The following CPS1 variants were observed in gnomAD, a reference collection of about 807,000 sequenced individuals.
The protein encoded by CPS1 is carbamoyl-phosphate synthase 1, also known as carbamoyl-phosphate synthase [ammonia], mitochondrial.
Under a neutral mutation model 174.6 loss-of-function variants are expected in CPS1, and 109 were observed. The observed-to-expected ratio is 0.62, with a 90% CI of 0.53 to 0.73. The LOEUF is 0.73. Among genes scored for constraint, CPS1 ranks in the 30% least tolerant of loss-of-function variants. The pLI is 0.00. For synonymous variants in CPS1, 637 were observed against 632.0 expected (o/e 1.01, Z -0.12); for missense variants, 1,689 against 1,821.9 (o/e 0.93, Z 1.33).
At chr2:210,496,020 G>A (rs537077497) in intron 1 of CPS1, among the ~76,000 whole-genome samples, 9 of 151,768 alleles carry the variant, frequency 5.9e-5, no homozygotes, top group Non-Finnish European at 7.4e-5. Context: ...GCAAAATAAA[G>A]GCAAATTGGT....
chr2:210,668,174 A>G lies in CPS1; in HGVS notation c.4003-12A>G, dbSNP rs534566099. 3.9e-5 allele frequency: 63 copies of G among 1,603,146 alleles called. No individual in the cohort carries two copies. The South Asian group carries it at 6.5e-4, about 17-fold the overall frequency. On this transcript the variant is annotated splice_polypyrimidine_tract_variant and intron_variant, in intron 33 of 37. Transcript: ENST00000233072. ...CATCCTCTATTTTAATTTTTTATTTATTTCTAAACAGGTGGCTTGCTTTGG... is the reference window on the plus strand; with the variant it reads ...CATCCTCTATTTTAATTTTTTATTTGTTTCTAAACAGGTGGCTTGCTTTGG...
At chr2:210,543,633 G>A (rs575754803) in intron 1 of CPS1, among the ~76,000 whole-genome samples, 3 of 152,100 alleles carry the variant, frequency 2.0e-5, no homozygotes, top group South Asian at 4.1e-4. Flanking sequence ...ATCATATATT[G>A]TAATAAAATT....
chr2:210,508,864 G>A (rs1328194109), intron 1 of CPS1, among the ~76,000 whole-genome samples: 1 of 152,138 alleles, frequency 6.6e-6, no homozygotes, highest in East Asian at 1.9e-4. Context: ...CCGATAACAG[G>A]CTCTGAAATT....
chr2:210,510,702 C>A (rs1223766591), intron 1 of CPS1, among the ~76,000 whole-genome samples: 1 of 152,028 alleles, frequency 6.6e-6, no homozygotes, highest in Non-Finnish European at 1.5e-5. Flanking sequence ...AAAACAACCC[C>A]ATCAACAAGT....
chr2:210,664,566 T>A (rs556473792), intron 33 of CPS1, among the ~76,000 whole-genome samples: 20 of 152,158 alleles, frequency 1.3e-4, no homozygotes, highest in Non-Finnish European at 2.6e-4. Flanking sequence ...CTCGAACTCC[T>A]GACCTCAGGT....
At chr2:210,554,329 A>G (rs1696833754), upstream of CPS1, among the ~76,000 whole-genome samples, 1 of 151,158 alleles carries the variant, frequency 6.6e-6, no homozygotes, top group East Asian at 1.9e-4. Flanking sequence ...CCCTTTACTG[A>G]TAAAAATGAA....
chr2:210,652,146 T>C (rs11681045), intron 28 of CPS1, among the ~76,000 whole-genome samples: 18,852 of 152,124 alleles, frequency 0.12, 1,238 homozygotes, highest in Middle Eastern at 0.2. Flanking sequence ...GAACAGCATT[T>C]ATGAAGGTCT....
intron 2 of CPS1, among the ~76,000 whole-genome samples, chr2:210,573,969 A>G (rs1302214637): frequency 2.7e-5 from 4 of 150,806 alleles, no homozygotes; most frequent in Non-Finnish European, 5.9e-5. Context: ...ATAATTATCA[A>G]CTGTGACCTG....
chr2:210,531,342 G>A (rs1360276951), intron 1 of CPS1, among the ~76,000 whole-genome samples: 1 of 152,078 alleles, frequency 6.6e-6, no homozygotes, highest in African/African-American at 2.4e-5. Flanking sequence ...TTTCTATTTA[G>A]CATCGTGTAA....
At chr2:210,557,549 T>C (rs1454061466) in intron 1 of CPS1, among the ~76,000 whole-genome samples, 1 of 152,022 alleles carries the variant, frequency 6.6e-6, no homozygotes, top group Non-Finnish European at 1.5e-5. Flanking sequence ...CCCCCCAGCA[T>C]TGAATTATGA....
chr2:210,521,315 A>G (rs1453644944), intron 1 of CPS1, among the ~76,000 whole-genome samples: 1 of 151,278 alleles, frequency 6.6e-6, no homozygotes, highest in East Asian at 2.0e-4. Context: ...TTTTCTTTCT[A>G]CATGTTTCCT....
At chr2:210,564,661 C>T (rs1186427871) in intron 1 of CPS1, among the ~76,000 whole-genome samples, 1 of 143,074 alleles carries the variant, frequency 7.0e-6, no homozygotes, top group African/African-American at 2.5e-5. Context: ...CAGGCGTGAG[C>T]CACCGCGCCC....
At chr2:210,561,447 T>C (rs1270787400) in intron 1 of CPS1, among the ~76,000 whole-genome samples, 1 of 152,168 alleles carries the variant, frequency 6.6e-6, no homozygotes, top group Non-Finnish European at 1.5e-5. Flanking sequence ...GATCTAGAGG[T>C]GACATTAGGT....
Position 210,678,206 on chromosome 2 carries a change from T to G in CPS1, c.*221T>G. 1 of 610,832 alleles carries G rather than the reference T, an allele frequency of 1.6e-6. No individual in the cohort carries two copies. 37.8% of individuals were successfully genotyped at this position (610,832 alleles called of 1,614,324 possible). On this transcript the variant is annotated 3_prime_UTR_variant, in exon 38 of 38. Coordinates refer to ENST00000233072, the MANE Select transcript of CPS1 (RefSeq NM_001875.5). The stretch of plus-strand genomic sequence containing the variant: ...GTTACTCTTCATGAGATTTCATCCA[T>G]TTACTAATACTGTATTTTTGGTGGA...
chr2:210,675,058 G>T lies in CPS1; in HGVS notation c.4161+97G>T, dbSNP rs928727164. ...TTGGAAAAGAAATAGCCCAAAATAT[G>T]TCCTTTTGATATGAAAGGTTTAACT... On this transcript the variant is annotated intron_variant, in intron 35 of 37. Transcript: ENST00000233072. The T allele has an allele frequency of 1.1e-5, 11 of 973,264 alleles. No homozygotes were observed. The African/African-American group carries it at 1.4e-4, about 13-fold the overall frequency. 60.3% of individuals were successfully genotyped at this position (973,264 alleles called of 1,614,324 possible).
intron 1 of CPS1, among the ~76,000 whole-genome samples, chr2:210,482,433 G>C (rs1267686442): frequency 1.3e-5 from 2 of 151,834 alleles, no homozygotes; most frequent in Non-Finnish European, 2.9e-5. Flanking sequence ...CCCCTGAGTA[G>C]CTGGGATTAC....
At chr2:210,539,288 G>T (rs1053524564) in intron 1 of CPS1, among the ~76,000 whole-genome samples, 5 of 152,164 alleles carry the variant, frequency 3.3e-5, no homozygotes, top group Non-Finnish European at 4.4e-5. Flanking sequence ...AGTATACAGA[G>T]ATCTGCTTTG....
chr2:210,510,236 T>C lies in CPS1; in HGVS notation c.3+32470T>C, dbSNP rs541990506. On this transcript the variant is annotated intron_variant, in intron 1 of 38. Transcript: ENST00000430249. ...GAAATAATGCCACGTTATCTACAAC[T>C]ATCTGATCTTTGACAAACCTGACAA... Among the ~76,000 whole-genome samples, 328 of 151,836 alleles carry C rather than the reference T, an allele frequency of 2.2e-3. 1 individual carries two copies. The highest frequency in any genetic ancestry group is 6.8e-3 in the African/African-American group (282 of 41,486).
rs754640269 is a variant in CPS1 at position 210,579,679 on chromosome 2, C to T, written c.472-35C>T. On this transcript the variant is annotated intron_variant, in intron 4 of 37. Transcript: ENST00000233072. The stretch of plus-strand genomic sequence containing the variant: ...AACAATATGCTGGATTTAATCTCCT[C>T]CAATTTCACTGTCACTACAATTTTT... The T allele has an allele frequency of 3.9e-6, 6 of 1,551,376 alleles. 1 individual carries two copies. In the East Asian group the frequency reaches 6.7e-5, roughly 17 times the overall value.
Sources: gnomAD v4.1 joint callset for allele counts (sites outside exome capture counted in the v4.1 genomes callset) on GRCh38, gnomAD v4.1.1 for gene constraint, MANE v1.5 for transcripts, NCBI Gene and HGNC (gene_info 2026-07-23, HGNC 2026-07-21) for gene names.